Variants in ZSWIM5 observed in about 807,000 individuals in gnomAD.
The protein encoded by ZSWIM5 is zinc finger SWIM-type containing 5.
A neutral mutation model predicts 119.6 loss-of-function variants in ZSWIM5; 55 were observed. That is an observed-to-expected ratio of 0.46 (90% CI 0.37 to 0.58). The LOEUF (loss-of-function observed/expected upper bound fraction) is 0.58, where lower values mean the gene tolerates loss of function less well. Among genes scored for constraint, ZSWIM5 ranks in the 20% least tolerant of loss-of-function variants. The pLI is 0.00. For missense variants in ZSWIM5, 1,193 were observed against 1,512.8 expected (o/e 0.79, Z 3.51); for synonymous variants, 537 against 606.9 (o/e 0.88, Z 1.69).
In ZSWIM5 at chr1:45,017,777, C is replaced by T. The variant is rs1261024440; in HGVS notation, c.*677G>A. ...CCTCACAGTTTTGTGAGGCAAAAGT[C>T]TAAGTCCAGTCCTGGCCTCTGTCCC... On this transcript the variant is annotated 3_prime_UTR_variant, in exon 14 of 14. Transcript: ENST00000359600. 2.0e-5 allele frequency: 3 copies of T among 152,374 alleles called. No individual in the cohort carries two copies. Among genetic ancestry groups the T allele is most frequent in the African/African-American group, 4.8e-5 (2 of 41,456 alleles). 9.4% of individuals were successfully genotyped at this position (152,374 alleles called of 1,614,324 possible). A position where few individuals can be genotyped will look rare whatever the true frequency, so the allele number is the denominator to read the frequency against.
chr1:45,114,643 C>CT (rs374475671), intron 1 of ZSWIM5, among the ~76,000 whole-genome samples: 2,930 of 133,772 alleles, frequency 0.022, 19 homozygotes, highest in Non-Finnish European at 0.026. Context: ...TACTCTGTAT[C>CT]TTTTTTTTTT....
Position 45,047,572 on chromosome 1 carries a change from T to C in ZSWIM5, c.1432+3502A>G, listed in dbSNP as rs187259174. ...AGAATAATTCATGGAGAGTGAAAAA[T>C]TGGAGATGCAGGAGAGAGAGGAAAT... On this transcript the variant is annotated intron_variant, in intron 5 of 13. Transcript: ENST00000359600. Among the ~76,000 whole-genome samples, 199 of 152,058 alleles carry C rather than the reference T, an allele frequency of 1.3e-3. 1 individual carries two copies. The highest frequency in any genetic ancestry group is 3.4e-3 in the Middle Eastern group (1 of 294).
At position 45,127,611 on chromosome 1, in the gene ZSWIM5, A is replaced by T. The variant is rs529591728; in HGVS notation, c.596-39374T>A. 8.8e-3 allele frequency among the ~76,000 whole-genome samples: 1,312 copies of T among 148,400 alleles called. 11 individuals carry two copies. The highest frequency in any genetic ancestry group is 0.014 in the Non-Finnish European group (939 of 67,144). On this transcript the variant is annotated intron_variant, in intron 1 of 13. Transcript: ENST00000359600. The stretch of plus-strand genomic sequence containing the variant: ...ATGCCAGGCTAATTTAAAAAAAAAA[A>T]TTTTTTTTTTAGAGATGGGGTCTTG...
intron 1 of ZSWIM5, among the ~76,000 whole-genome samples, chr1:45,147,584 C>CAAAAAAA (rs11409330): frequency 6.4e-5 from 6 of 93,310 alleles, no homozygotes; most frequent in Non-Finnish European, 7.7e-5. Context: ...TTTACACATG[C>CAAAAAAA]AAAAAAAAAA....
chr1:45,151,241 T>C (rs955153865), intron 1 of ZSWIM5, among the ~76,000 whole-genome samples: 2 of 151,900 alleles, frequency 1.3e-5, no homozygotes, highest in Admixed American at 6.6e-5. Flanking sequence ...AAAAGTTATA[T>C]ATTTATATAT....
At chr1:45,096,427 TA>T (rs1368591460) in intron 1 of ZSWIM5, among the ~76,000 whole-genome samples, 1 of 146,454 alleles carries the variant, frequency 6.8e-6, no homozygotes, top group Non-Finnish European at 1.5e-5. Context: ...ACCTGGTAGA[TA>T]ACTGTTTGTG....
Position 45,019,374 on chromosome 1 carries a change from C to G in ZSWIM5, c.2696-58G>C. 1 of 1,550,914 alleles carries G rather than the reference C, an allele frequency of 6.4e-7. No individual in the cohort carries two copies. Among genetic ancestry groups the G allele is most frequent in the Non-Finnish European group, 8.7e-7 (1 of 1,153,976 alleles). ...ATCTGGGTCCTGATTCAGGTCTACC[C>G]AGATTACCATTTGGGGTTTGAACTT... On this transcript the variant is annotated intron_variant, in intron 13 of 13. Transcript: ENST00000359600. This position sits in a 1 kb window ranked among gnomAD's most constrained non-coding sequence, Gnocchi z 5.0.
intron 1 of ZSWIM5, among the ~76,000 whole-genome samples, chr1:45,202,107 C>T (rs1037269760): frequency 1.3e-5 from 2 of 152,002 alleles, no homozygotes; most frequent in African/African-American, 4.8e-5. Context: ...TAAAGGAATG[C>T]AGCTGCCTTC....
intron 1 of ZSWIM5, among the ~76,000 whole-genome samples, chr1:45,186,038 T>G (rs1056105048): frequency 4.3e-4 from 66 of 152,040 alleles, no homozygotes; most frequent in Middle Eastern, 3.4e-3. Flanking sequence ...TAAGAAAATG[T>G]GGCACATATA....
chr1:45,064,588 C>CT (rs1039498269), intron 2 of ZSWIM5, among the ~76,000 whole-genome samples: 6 of 152,150 alleles, frequency 3.9e-5, no homozygotes, highest in African/African-American at 1.4e-4. Context: ...GCTAGAGGCA[C>CT]TTTTTATACA....
intron 1 of ZSWIM5, among the ~76,000 whole-genome samples, chr1:45,099,534 C>G (rs1291123191): frequency 6.6e-6 from 1 of 152,194 alleles, no homozygotes; most frequent in Non-Finnish European, 1.5e-5. Context: ...AGGGAATCCT[C>G]CCTAACTCAT....
In ZSWIM5 at chr1:45,185,728, T is replaced by C. The variant is rs374765143; in HGVS notation, c.595+20028A>G. Among the ~76,000 whole-genome samples, 211 of 152,246 alleles carry C rather than the reference T, an allele frequency of 1.4e-3. 8 individuals are homozygous for C. The South Asian group carries it at 0.042, about 30-fold the overall frequency. On this transcript the variant is annotated intron_variant, in intron 1 of 13. Coordinates refer to ENST00000359600, the MANE Select transcript of ZSWIM5 (RefSeq NM_020883.2). ...TACCATCTCACACCAGTTAGAATGGTGATCATTAGAAGTCAGGAAACAACG... is the reference window on the plus strand; with the variant it reads ...TACCATCTCACACCAGTTAGAATGGCGATCATTAGAAGTCAGGAAACAACG...
At chr1:45,152,901 T>C (rs1488005281) in intron 1 of ZSWIM5, among the ~76,000 whole-genome samples, 2 of 150,612 alleles carry the variant, frequency 1.3e-5, no homozygotes, top group Non-Finnish European at 3.0e-5. Flanking sequence ...CTTAAACAAT[T>C]CAACAAACAA....
chr1:45,033,537 G>A (rs1644965027), intron 11 of ZSWIM5, among the ~76,000 whole-genome samples: 1 of 152,102 alleles, frequency 6.6e-6, no homozygotes, highest in Non-Finnish European at 1.5e-5. Context: ...ATAGCTAACA[G>A]GATGTATGTG....
intron 1 of ZSWIM5, among the ~76,000 whole-genome samples, chr1:45,110,095 G>A (rs1368807396): frequency 6.6e-6 from 1 of 151,866 alleles, no homozygotes; most frequent in South Asian, 2.1e-4. Context: ...TTGAACTTCT[G>A]GGCTCAAACA....
In ZSWIM5 at chr1:45,206,449, G is replaced by A; in HGVS notation, c.-99C>T. The stretch of plus-strand genomic sequence containing the variant: ...GCGCCCCGCGCAAGCGCCCAGCGGT[G>A]GCGCCGAGGGGGGCGGGGCGAGAGA... On this transcript the variant is annotated 5_prime_UTR_variant, in exon 1 of 14. Coordinates refer to ENST00000359600, the MANE Select transcript of ZSWIM5 (RefSeq NM_020883.2). 8.2e-7 allele frequency: 1 copy of A among 1,222,448 alleles called. No individual in the cohort carries two copies. 75.7% of individuals were successfully genotyped at this position (1,222,448 alleles called of 1,614,324 possible). A position where few individuals can be genotyped will look rare whatever the true frequency, so the allele number is the denominator to read the frequency against.
At chr1:45,063,657 T>C (rs1168290258) in intron 2 of ZSWIM5, among the ~76,000 whole-genome samples, 1 of 152,116 alleles carries the variant, frequency 6.6e-6, no homozygotes, top group Non-Finnish European at 1.5e-5. Context: ...CCGTTCTCAT[T>C]GTTAATATTA....
At chr1:45,043,903 T>C (rs570392897) in intron 5 of ZSWIM5, among the ~76,000 whole-genome samples, 10 of 152,248 alleles carry the variant, frequency 6.6e-5, no homozygotes, top group Non-Finnish European at 1.2e-4. Flanking sequence ...GAAATAGAGC[T>C]GAAGCTATGG....
Position 45,043,308 on chromosome 1 carries a change from A to T in ZSWIM5, c.1520T>A (p.Ile507Lys). Residue 507 changes from isoleucine (I) to lysine (K), a missense_variant, in exon 6 of 14, where the codon ATA becomes AAA. Transcript: ENST00000359600. ...AGCTGTATAAACATCACTGCTGATT[A>T]TTCGCTGTAGGTGGCTATCCTGCCA... ...LHWQDSHLQRIISSDVYTAPA... is the reference protein window; with the variant it reads ...LHWQDSHLQRKISSDVYTAPA... 1 of 1,614,224 alleles carries T rather than the reference A, an allele frequency of 6.2e-7. No homozygotes were observed. The highest frequency in any genetic ancestry group is 8.5e-7 in the Non-Finnish European group (1 of 1,180,042).
Sources: gnomAD v4.1 joint callset for allele counts (sites outside exome capture counted in the v4.1 genomes callset) on GRCh38, gnomAD v4.1.1 for gene constraint, Gnocchi (gnomAD v3.1) non-coding constraint, MANE v1.5 for transcripts, NCBI Gene and HGNC (gene_info 2026-07-23, HGNC 2026-07-21) for gene names.